TAB2: variants seen among roughly 807,000 people sequenced by gnomAD.
The protein encoded by TAB2 is TGF-beta-activated kinase 1 and MAP3K7-binding protein 2.
Under a neutral mutation model 65.0 loss-of-function variants are expected in TAB2, and 3 were observed. That is an observed-to-expected ratio of 0.05 (90% CI 0.02 to 0.12). TAB2 has a LOEUF of 0.12. Among genes scored for constraint, TAB2 ranks in the 10% least tolerant of loss-of-function variants. The pLI, the probability that TAB2 is intolerant of heterozygous loss-of-function variation, is 1.00. For missense variants in TAB2, 623 were observed against 840.3 expected, an observed-to-expected ratio of 0.74 and a Z score of 3.20; for synonymous variants, 298 against 285.1, an observed-to-expected ratio of 1.05 and a Z score of -0.46.
At chr6:149,316,846 C>A (rs932934073), upstream of TAB2, among the ~76,000 whole-genome samples, 2 of 152,070 alleles carry the variant, frequency 1.3e-5, no homozygotes, top group African/African-American at 4.8e-5. Flanking sequence ...GACACTTTTT[C>A]CAAGTCTCGA....
chr6:149,258,768 G>A (rs35330334), intron 1 of TAB2, among the ~76,000 whole-genome samples: 25,779 of 152,126 alleles, frequency 0.17, 2,317 homozygotes, highest in East Asian at 0.27. Flanking sequence ...TCACCAGAAC[G>A]TGTGAATACA....
In TAB2 at chr6:149,347,962, T is replaced by A. The variant is rs535027296; in HGVS notation, c.-89-21947T>A. 1.8e-4 allele frequency among the ~76,000 whole-genome samples: 28 copies of A among 152,324 alleles called. 1 individual carries two copies. In the South Asian group the frequency reaches 5.6e-3, roughly 30 times the overall value. On this transcript the variant is annotated intron_variant, in intron 1 of 6. Transcript: ENST00000637181. ...AAAGGTTTTAAAATTTGCTTTAATT[T>A]AAAAAATTATAGCATCATCCAGCTA...
At chr6:149,298,746 G>A (rs1015174749) in intron 1 of TAB2, among the ~76,000 whole-genome samples, 1 of 152,182 alleles carries the variant, frequency 6.6e-6, no homozygotes, top group African/African-American at 2.4e-5. Context: ...GAATTAGAAT[G>A]TGGAAGATAT....
At chr6:149,406,096 C>T (rs1782655431) in intron 6 of TAB2, among the ~76,000 whole-genome samples, 1 of 152,166 alleles carries the variant, frequency 6.6e-6, no homozygotes, top group Non-Finnish European at 1.5e-5. Context: ...CACACAAATT[C>T]TGGAAGTCAG....
At chr6:149,367,300 ACATT>A (rs1781071658) in intron 1 of TAB2, among the ~76,000 whole-genome samples, 1 of 152,152 alleles carries the variant, frequency 6.6e-6, no homozygotes, top group Non-Finnish European at 1.5e-5. Context: ...TGAAGAAGTG[ACATT>A]TGATCAACAT....
At chr6:149,335,773 G>A (rs774609367) in intron 1 of TAB2, among the ~76,000 whole-genome samples, 51 of 151,858 alleles carry the variant, frequency 3.4e-4, no homozygotes, top group African/African-American at 1.2e-3. Context: ...ATATTAATAA[G>A]CAGAGTAACA....
chr6:149,284,538 G>A (rs546520155), intron 1 of TAB2, among the ~76,000 whole-genome samples: 2 of 152,112 alleles, frequency 1.3e-5, no homozygotes, highest in African/African-American at 2.4e-5. Context: ...AGCTTTTTTA[G>A]TTAGTTTTGA....
intron 1 of TAB2, among the ~76,000 whole-genome samples, chr6:149,342,410 G>A (rs1676130945): frequency 6.6e-6 from 1 of 152,124 alleles, no homozygotes; most frequent in Admixed American, 6.5e-5. Flanking sequence ...ACAGTCTGTT[G>A]CTAAAAGCCA....
intron 3 of TAB2, among the ~76,000 whole-genome samples, chr6:149,380,419 A>C (rs1206027085): frequency 6.6e-6 from 1 of 152,056 alleles, no homozygotes; most frequent in Non-Finnish European, 1.5e-5. Context: ...TTTTACATGG[A>C]ATTATAAGGA....
At chr6:149,248,136 A>C (rs1204289436) in intron 1 of TAB2, among the ~76,000 whole-genome samples, 1 of 152,282 alleles carries the variant, frequency 6.6e-6, no homozygotes, top group Non-Finnish European at 1.5e-5. Flanking sequence ...ACATGCCTGT[A>C]ATCCCAGCAC....
At chr6:149,312,357 A>AT (rs751031198) in intron 1 of TAB2, among the ~76,000 whole-genome samples, 1 of 151,186 alleles carries the variant, frequency 6.6e-6, no homozygotes. Context: ...CTTTTTTTTA[A>AT]TTTTTTTGTA....
intron 1 of TAB2, among the ~76,000 whole-genome samples, chr6:149,309,883 G>GGTGT (rs59732519): frequency 0.065 from 9,672 of 149,416 alleles, 367 homozygotes; most frequent in East Asian, 0.14. Context: ...TGTGGGTGTG[G>GGTGT]GTGTGTGTGT....
intron 1 of TAB2, among the ~76,000 whole-genome samples, chr6:149,340,021 C>G (rs1396483124): frequency 6.6e-6 from 1 of 152,128 alleles, no homozygotes; most frequent in Non-Finnish European, 1.5e-5. Flanking sequence ...ATTCTACTGA[C>G]ATATTATTTG....
intron 1 of TAB2, among the ~76,000 whole-genome samples, chr6:149,289,642 A>T (rs1173049584): frequency 6.6e-6 from 1 of 152,226 alleles, no homozygotes; most frequent in Admixed American, 6.5e-5. Context: ...CCCGGAAACT[A>T]CACACCTCAC....
At chr6:149,282,234 C>T (rs1778589555) in intron 1 of TAB2, among the ~76,000 whole-genome samples, 1 of 152,034 alleles carries the variant, frequency 6.6e-6, no homozygotes, top group African/African-American at 2.4e-5. Flanking sequence ...TCCTAAATGT[C>T]TATGCGTCTA....
At chr6:149,264,774 C>T (rs1249526475) in intron 1 of TAB2, among the ~76,000 whole-genome samples, 1 of 152,248 alleles carries the variant, frequency 6.6e-6, no homozygotes, top group Non-Finnish European at 1.5e-5. Context: ...TGGCAGCCAC[C>T]TGCCCCATTA....
upstream of TAB2, among the ~76,000 whole-genome samples, chr6:149,314,767 T>C (rs1779221319): frequency 6.6e-6 from 1 of 152,158 alleles, no homozygotes; most frequent in Non-Finnish European, 1.5e-5. Flanking sequence ...TAATTTTGTT[T>C]AACTAATTTA....
In TAB2 at chr6:149,411,589, T is replaced by TA. The variant is rs899841360; in HGVS notation, c.*1876dup. 6.5e-6 allele frequency: 1 copy of TA among 153,644 alleles called. No individual in the cohort carries two copies. Among genetic ancestry groups the TA allele is most frequent in the Non-Finnish European group, 1.5e-5 (1 of 68,028 alleles). The allele number at this position is 153,644 out of a possible 1,614,324, so 9.5% of individuals were successfully genotyped here. On this transcript the variant is annotated 3_prime_UTR_variant, in exon 7 of 7. Transcript: ENST00000637181. ...TAACAGATAAGTTATTTATAAAAAT[T>TA]AAAAAACTTATATTCTAATGTGGAT...
At chr6:149,257,194 T>C (rs1486180467) in intron 1 of TAB2, among the ~76,000 whole-genome samples, 1 of 152,156 alleles carries the variant, frequency 6.6e-6, no homozygotes, top group Non-Finnish European at 1.5e-5. Context: ...CAACACCCAG[T>C]AAGCACGTCC....
Sources: allele counts gnomAD v4.1 joint callset (sites outside exome capture counted in the v4.1 genomes callset), GRCh38; gene constraint gnomAD v4.1.1; transcripts MANE v1.5; gene names NCBI Gene and HGNC (gene_info 2026-07-23, HGNC 2026-07-21).